The following STXBP5L variants were observed in gnomAD, a reference collection of about 807,000 sequenced individuals.
The protein encoded by STXBP5L is syntaxin-binding protein 5-like.
STXBP5L carries 65 observed loss-of-function variants against 144.5 expected under a neutral mutation model. That is an observed-to-expected ratio of 0.45 (90% CI 0.37 to 0.55). The LOEUF is 0.55. STXBP5L is among the 20% of genes least tolerant of loss of function. STXBP5L has a pLI of 0.00. For missense variants in STXBP5L, 1,298 were observed against 1,405.5 expected (o/e 0.92, Z 1.22); for synonymous variants, 505 against 469.6 (o/e 1.08, Z -0.97).
chr3:121,272,473 A>G (rs765004516), intron 18 of STXBP5L, among the ~76,000 whole-genome samples: 1 of 152,164 alleles, frequency 6.6e-6, no homozygotes, highest in Non-Finnish European at 1.5e-5. Context: ...ATTTTTATAG[A>G]AATTCATGTT....
chr3:120,942,974 TG>T (rs1460731417), intron 2 of STXBP5L, among the ~76,000 whole-genome samples: 1 of 151,752 alleles, frequency 6.6e-6, no homozygotes, highest in Non-Finnish European at 1.5e-5. Context: ...GATATAATCA[TG>T]GTTTTATTCT....
intron 5 of STXBP5L, among the ~76,000 whole-genome samples, chr3:121,080,944 CT>C (rs1320723030): frequency 9.9e-5 from 15 of 152,178 alleles, no homozygotes; most frequent in Non-Finnish European, 1.5e-5. Context: ...TCAATAATTC[CT>C]TCAGATATGT....
At chr3:121,391,684 G>T (rs1435858437) in intron 22 of STXBP5L, among the ~76,000 whole-genome samples, 3 of 152,234 alleles carry the variant, frequency 2.0e-5, no homozygotes, top group African/African-American at 7.2e-5. Flanking sequence ...GCCCACTCCA[G>T]ACCCTGTTTG....
In STXBP5L at chr3:121,193,631, A is replaced by T. The variant is rs74789755; in HGVS notation, c.878-12292A>T. On this transcript the variant is annotated intron_variant, in intron 9 of 26. Coordinates refer to ENST00000471454, the MANE Select transcript of STXBP5L (RefSeq NM_001308330.2). Reference sequence around the variant, plus strand: ...ATGTGGCACATATACACCATGGAATACTATGCAGCCATAAAAAAGGATGAG... The same window carrying T: ...ATGTGGCACATATACACCATGGAATTCTATGCAGCCATAAAAAAGGATGAG... Among the ~76,000 whole-genome samples, 166 of 152,362 alleles carry T rather than the reference A, an allele frequency of 1.1e-3. 3 individuals are homozygous for T. The East Asian group carries it at 0.031, about 29-fold the overall frequency.
chr3:121,313,249 G>A (rs1391493984), intron 19 of STXBP5L, among the ~76,000 whole-genome samples: 29 of 126,174 alleles, frequency 2.3e-4, no homozygotes, highest in South Asian at 5.3e-4. Flanking sequence ...GGACGGGGCG[G>A]CTGGCCGGGC....
At chr3:120,979,545 C>G (rs567073355) in intron 3 of STXBP5L, among the ~76,000 whole-genome samples, 92 of 152,258 alleles carry the variant, frequency 6.0e-4, no homozygotes, top group Admixed American at 1.4e-3. Flanking sequence ...GCACAGTGCA[C>G]TGCACCCACT....
chr3:121,169,319 G>T (rs1305549374), intron 9 of STXBP5L, among the ~76,000 whole-genome samples: 1 of 152,138 alleles, frequency 6.6e-6, no homozygotes, highest in Non-Finnish European at 1.5e-5. Context: ...ATAAAGACAG[G>T]ATCAAATTCA....
At position 121,342,287 on chromosome 3, in the gene STXBP5L, C is replaced by T. The variant is rs368960626; in HGVS notation, c.2176+23747C>T. The stretch of plus-strand genomic sequence containing the variant: ...TAAAAGTAAATTAATAGAATTCAAG[C>T]CTTGAATGTATGTAATTGAGGGGCT... On this transcript the variant is annotated intron_variant, in intron 20 of 26. Coordinates refer to ENST00000471454, the MANE Select transcript of STXBP5L (RefSeq NM_001308330.2). Among the ~76,000 whole-genome samples, 52 of 152,046 alleles carry T rather than the reference C, an allele frequency of 3.4e-4. No homozygotes were observed. In the East Asian group the frequency reaches 5.0e-3, roughly 15 times the overall value.
intron 10 of STXBP5L, among the ~76,000 whole-genome samples, chr3:121,212,645 CATG>C (rs1234639398): frequency 6.6e-6 from 1 of 152,130 alleles, no homozygotes; most frequent in East Asian, 1.9e-4. Context: ...AGTCAGGTAG[CATG>C]ATGCCTCCAG....
At chr3:121,015,757 G>A (rs34650995) in intron 3 of STXBP5L, among the ~76,000 whole-genome samples, 1 of 152,116 alleles carries the variant, frequency 6.6e-6, no homozygotes, top group African/African-American at 2.4e-5. Context: ...GGCTTTACTA[G>A]AGCCTTATCC....
chr3:121,224,491 A>G (rs1298333487), intron 11 of STXBP5L, among the ~76,000 whole-genome samples: 2 of 152,206 alleles, frequency 1.3e-5, no homozygotes. Flanking sequence ...CAGATAAAGT[A>G]TTAAACTAAT....
At chr3:121,104,168 C>G (rs938507277) in intron 5 of STXBP5L, among the ~76,000 whole-genome samples, 2 of 151,930 alleles carry the variant, frequency 1.3e-5, no homozygotes, top group African/African-American at 4.8e-5. Context: ...CTGATCCAGG[C>G]AAGATAATAA....
chr3:120,977,073 G>C (rs547065795), intron 3 of STXBP5L, among the ~76,000 whole-genome samples: 5 of 152,204 alleles, frequency 3.3e-5, no homozygotes, highest in Non-Finnish European at 7.3e-5. Context: ...ACTTGGTGCA[G>C]AGCTGAGTTC....
At chr3:120,997,526 C>T (rs184584691) in intron 3 of STXBP5L, among the ~76,000 whole-genome samples, 2 of 152,180 alleles carry the variant, frequency 1.3e-5, no homozygotes, top group East Asian at 1.9e-4. Context: ...GTGCATTTCT[C>T]TAATGATTGA....
At chr3:121,122,705 A>C (rs76115117) in intron 7 of STXBP5L, among the ~76,000 whole-genome samples, 18,086 of 151,442 alleles carry the variant, frequency 0.12, 1,139 homozygotes, top group Non-Finnish European at 0.14. Context: ...TACATAAAGA[A>C]CCAATGTTTA....
intron 12 of STXBP5L, among the ~76,000 whole-genome samples, chr3:121,236,328 G>A (rs2049482262): frequency 6.6e-6 from 1 of 151,944 alleles, no homozygotes; most frequent in Admixed American, 6.6e-5. Context: ...CTTTTATATT[G>A]TTATAAAGGA....
intron 2 of STXBP5L, among the ~76,000 whole-genome samples, chr3:120,941,811 T>C (rs995944040): frequency 7.2e-5 from 11 of 151,832 alleles, no homozygotes; most frequent in African/African-American, 2.4e-4. Flanking sequence ...TTAGAACTTA[T>C]TTGGGGAGAC....
chr3:120,914,435 T>C (rs1389691009), intron 2 of STXBP5L, among the ~76,000 whole-genome samples: 1 of 152,056 alleles, frequency 6.6e-6, no homozygotes, highest in Non-Finnish European at 1.5e-5. Flanking sequence ...ACAATGATGC[T>C]CATATCTGAC....
At chr3:120,966,116 T>G (rs979794192) in intron 3 of STXBP5L, among the ~76,000 whole-genome samples, 2 of 152,202 alleles carry the variant, frequency 1.3e-5, no homozygotes, top group Admixed American at 6.5e-5. Flanking sequence ...TGTGCCATGG[T>G]TTTCAGCTCC....
Sources: gnomAD v4.1 joint callset for allele counts (sites outside exome capture counted in the v4.1 genomes callset) on GRCh38, gnomAD v4.1.1 for gene constraint, MANE v1.5 for transcripts, NCBI Gene and HGNC (gene_info 2026-07-23, HGNC 2026-07-21) for gene names.